Variants in NELL1 observed in about 807,000 individuals in gnomAD.
The protein encoded by NELL1 is protein kinase C-binding protein NELL1.
In NELL1, 76 loss-of-function variants were observed where a neutral mutation model predicts 107.4. The observed-to-expected ratio is 0.71, with a 90% CI of 0.59 to 0.86. The LOEUF (loss-of-function observed/expected upper bound fraction) is 0.86, where lower values mean the gene tolerates loss of function less well. NELL1 is among the 40% of genes least tolerant of loss of function. The pLI is 0.00. For missense variants in NELL1, 1,024 were observed against 1,005.5 expected, an observed-to-expected ratio of 1.02 and a Z score of -0.25; for synonymous variants, 353 against 341.2, an observed-to-expected ratio of 1.03 and a Z score of -0.38.
chr11:21,028,979 A>G (rs188083056), intron 12 of NELL1, among the ~76,000 whole-genome samples: 1 of 152,180 alleles, frequency 6.6e-6, no homozygotes, highest in Non-Finnish European at 1.5e-5. Flanking sequence ...CTGTTACAAC[A>G]TAAGTTAAAT....
intron 13 of NELL1, among the ~76,000 whole-genome samples, chr11:21,126,601 T>A (rs566055432): frequency 6.6e-6 from 1 of 152,320 alleles, no homozygotes; most frequent in African/African-American, 2.4e-5. Context: ...CCCAACCCAA[T>A]GACTGAGTCC....
chr11:21,570,994 A>G, intron 18 of NELL1, 54 bp downstream of exon 18: 5 of 1,540,780 alleles, frequency 3.2e-6, no homozygotes, highest in Non-Finnish European at 4.4e-6. Flanking sequence ...AGAGGTTACA[A>G]ATTCAGTTGT....
chr11:20,832,849 C>T (rs11025776), intron 3 of NELL1, among the ~76,000 whole-genome samples: 59,388 of 151,952 alleles, frequency 0.39, 12,466 homozygotes, highest in African/African-American at 0.54. Context: ...CACTAGAACA[C>T]GTTTCCTACA....
intron 12 of NELL1, among the ~76,000 whole-genome samples, chr11:21,050,167 C>T (rs1303839743): frequency 2.0e-5 from 3 of 152,060 alleles, no homozygotes; most frequent in African/African-American, 7.2e-5. Flanking sequence ...TGGCTTGCCC[C>T]ACTCCTTCTT....
chr11:21,379,859 G>A (rs1851569380), intron 15 of NELL1, among the ~76,000 whole-genome samples: 1 of 152,012 alleles, frequency 6.6e-6, no homozygotes, highest in African/African-American at 2.4e-5. Context: ...TTTATATCTT[G>A]CCTGTATTTT....
At chr11:20,973,131 A>G (rs1368661735) in intron 12 of NELL1, among the ~76,000 whole-genome samples, 1 of 112,164 alleles carries the variant, frequency 8.9e-6, no homozygotes, top group Non-Finnish European at 1.8e-5. Flanking sequence ...TTTTTGAGAC[A>G]GAGTTTTGTT....
At chr11:21,076,257 A>G (rs1433862377) in intron 12 of NELL1, among the ~76,000 whole-genome samples, 1 of 152,246 alleles carries the variant, frequency 6.6e-6, no homozygotes, top group Non-Finnish European at 1.5e-5. Flanking sequence ...CGGATACCAC[A>G]TTCTAGGTGG....
chr11:21,076,924 CA>C (rs2134387953), intron 12 of NELL1, among the ~76,000 whole-genome samples: 1 of 152,246 alleles, frequency 6.6e-6, no homozygotes, highest in South Asian at 2.1e-4. Context: ...AGATCCTCAC[CA>C]GTTGCAGATG....
intron 12 of NELL1, among the ~76,000 whole-genome samples, chr11:21,019,442 A>G (rs1406289101): frequency 6.6e-6 from 1 of 152,088 alleles, no homozygotes; most frequent in Non-Finnish European, 1.5e-5. Flanking sequence ...CTGATGGTAG[A>G]AAAGAGTAGA....
chr11:20,712,634 G>T (rs1052872466), intron 2 of NELL1, among the ~76,000 whole-genome samples: 2 of 152,298 alleles, frequency 1.3e-5, no homozygotes, highest in African/African-American at 2.4e-5. Flanking sequence ...GCAACTAAAG[G>T]CCTGCTGTTC....
At chr11:21,295,014 C>T (rs1057097166) in intron 14 of NELL1, among the ~76,000 whole-genome samples, 4 of 152,090 alleles carry the variant, frequency 2.6e-5, no homozygotes, top group African/African-American at 7.2e-5. Context: ...ATGAAGTTTT[C>T]GTTCTGTTAT....
chr11:21,339,166 C>A (rs1850505758), intron 14 of NELL1, among the ~76,000 whole-genome samples: 1 of 152,180 alleles, frequency 6.6e-6, no homozygotes, highest in African/African-American at 2.4e-5. Context: ...AGGGATGTAA[C>A]TGCAGATGTA....
intron 7 of NELL1, among the ~76,000 whole-genome samples, chr11:20,923,332 G>A (rs957552877): frequency 6.6e-6 from 1 of 152,180 alleles, no homozygotes; most frequent in African/African-American, 2.4e-5. Context: ...GATCATGGGA[G>A]CAGCCTGCAC....
intron 2 of NELL1, among the ~76,000 whole-genome samples, chr11:20,697,683 T>C (rs79487308): frequency 0.025 from 3,851 of 152,130 alleles, 95 homozygotes; most frequent in African/African-American, 0.059. Flanking sequence ...GGCACCCTAA[T>C]TCAGAATAAA....
At chr11:21,391,151 AT>A (rs1379844118) in intron 15 of NELL1, among the ~76,000 whole-genome samples, 1 of 151,866 alleles carries the variant, frequency 6.6e-6, no homozygotes, top group Admixed American at 6.6e-5. Flanking sequence ...TCTAGGTTAT[AT>A]AAAACATTTT....
At chr11:20,686,756 G>A (rs1173604144) in intron 2 of NELL1, among the ~76,000 whole-genome samples, 1 of 152,134 alleles carries the variant, frequency 6.6e-6, no homozygotes, top group African/African-American at 2.4e-5. Flanking sequence ...GAATTTACAA[G>A]GAGGAAGCTT....
intron 12 of NELL1, among the ~76,000 whole-genome samples, chr11:21,068,328 T>G (rs1269207259): frequency 6.6e-6 from 1 of 152,134 alleles, no homozygotes; most frequent in East Asian, 1.9e-4. Flanking sequence ...TCTCTCCATT[T>G]TAGAAATAAA....
At chr11:20,696,594 T>C (rs1854623768) in intron 2 of NELL1, among the ~76,000 whole-genome samples, 1 of 152,136 alleles carries the variant, frequency 6.6e-6, no homozygotes, top group African/African-American at 2.4e-5. Context: ...ATGTTTTTCA[T>C]TTTTTAACCT....
At chr11:21,153,780 C>G (rs1326827862) in intron 13 of NELL1, among the ~76,000 whole-genome samples, 1 of 152,068 alleles carries the variant, frequency 6.6e-6, no homozygotes, top group African/African-American at 2.4e-5. Context: ...ATGTCAGTTA[C>G]CAAAGATTAT....
Sources: gnomAD v4.1 joint callset for allele counts (sites outside exome capture counted in the v4.1 genomes callset) on GRCh38, gnomAD v4.1.1 for gene constraint, MANE v1.5 for transcripts, NCBI Gene and HGNC (gene_info 2026-07-23, HGNC 2026-07-21) for gene names.